ARL3: variants seen among roughly 807,000 people sequenced by gnomAD.
The protein encoded by ARL3 is ADP-ribosylation factor-like protein 3.
ARL3 carries 9 observed loss-of-function variants against 26.0 expected under a neutral mutation model. The observed-to-expected ratio is 0.35, with a 90% CI of 0.21 to 0.60. The LOEUF (loss-of-function observed/expected upper bound fraction) is 0.60, where lower values mean the gene tolerates loss of function less well. ARL3 is among the 20% of genes least tolerant of loss of function. The pLI is 0.78. For synonymous variants in ARL3, 71 were observed against 78.4 expected (o/e 0.91, Z 0.50); for missense variants, 158 against 215.7 (o/e 0.73, Z 1.67).
rs2064124490 is a variant in ARL3 at position 102,675,318 on chromosome 10, G to C, written c.*1576C>G. Reference sequence around the variant, plus strand: ...TCATGTCAGATCGCTTTTGAAGCTGGCTATGCCTCAGTCTCTGCTGCACTC... The same window carrying C: ...TCATGTCAGATCGCTTTTGAAGCTGCCTATGCCTCAGTCTCTGCTGCACTC... On this transcript the variant is annotated 3_prime_UTR_variant, in exon 6 of 6. Transcript: ENST00000260746. The C allele has an allele frequency of 1.3e-5, 2 of 152,320 alleles. No individual in the cohort carries two copies. The highest frequency in any genetic ancestry group is 2.9e-5 in the Non-Finnish European group (2 of 68,118). The allele number at this position is 152,320 out of a possible 1,614,324, so 9.4% of individuals were successfully genotyped here.
intron 1 of ARL3, among the ~76,000 whole-genome samples, chr10:102,713,607 G>C (rs1231755736): frequency 6.6e-6 from 1 of 152,212 alleles, no homozygotes; most frequent in Non-Finnish European, 1.5e-5. Flanking sequence ...CCAACAATCA[G>C]ATCCTGCAAA....
At chr10:102,695,247 G>A (rs2064240808) in intron 3 of ARL3, among the ~76,000 whole-genome samples, 1 of 152,198 alleles carries the variant, frequency 6.6e-6, no homozygotes, top group African/African-American at 2.4e-5. Flanking sequence ...ATAATACTGA[G>A]TTTTCCTATC....
At chr10:102,683,848 A>C (rs189830935) in intron 5 of ARL3, among the ~76,000 whole-genome samples, 13 of 152,108 alleles carry the variant, frequency 8.5e-5, no homozygotes, top group African/African-American at 2.9e-4. Flanking sequence ...AAATGACAGG[A>C]GATCCCTCTC....
chr10:102,711,585 A>G (rs940547584), intron 1 of ARL3, among the ~76,000 whole-genome samples: 19 of 151,842 alleles, frequency 1.3e-4, no homozygotes, highest in Admixed American at 4.6e-4. Flanking sequence ...CCCCGTCTCT[A>G]CTAAAAACAC....
intron 1 of ARL3, among the ~76,000 whole-genome samples, chr10:102,706,726 A>G (rs1476833513): frequency 1.3e-5 from 2 of 151,968 alleles, no homozygotes; most frequent in African/African-American, 2.4e-5. Context: ...GCTGGAGTGC[A>G]GTGGTGCAAT....
intron 2 of ARL3, among the ~76,000 whole-genome samples, chr10:102,699,869 A>AG (rs2064269715): frequency 6.6e-6 from 1 of 152,250 alleles, no homozygotes; most frequent in African/African-American, 2.4e-5. Flanking sequence ...ACAAAAAAAA[A>AG]GCTGAATCTG....
At chr10:102,695,544 A>C (rs542267933) in intron 3 of ARL3, among the ~76,000 whole-genome samples, 15 of 151,218 alleles carry the variant, frequency 9.9e-5, no homozygotes, top group Non-Finnish European at 2.1e-4. Context: ...TGTTTTTGAG[A>C]CTTGTTTTTT....
chr10:102,686,546 C>A (rs2064187936), intron 4 of ARL3, among the ~76,000 whole-genome samples: 1 of 150,840 alleles, frequency 6.6e-6, no homozygotes, highest in South Asian at 2.1e-4. Context: ...TCACTGCAAC[C>A]TTTCACCTCC....
chr10:102,685,673 TA>T, intron 5 of ARL3, 142 bp downstream of exon 5: 1 of 854,056 alleles, frequency 1.2e-6, no homozygotes, highest in Non-Finnish European at 1.7e-6. Flanking sequence ...GATTGGTTGC[TA>T]AGCAGAAAAG....
intron 3 of ARL3, among the ~76,000 whole-genome samples, chr10:102,696,419 C>A (rs1223027834): frequency 6.6e-6 from 1 of 151,412 alleles, no homozygotes; most frequent in Non-Finnish European, 1.5e-5. Context: ...CGCCCACCAC[C>A]ACGCCTGGCT....
intron 4 of ARL3, among the ~76,000 whole-genome samples, chr10:102,686,229 A>G (rs1380723652): frequency 2.0e-5 from 3 of 151,122 alleles, no homozygotes; most frequent in Admixed American, 1.3e-4. Flanking sequence ...GCACCACCAC[A>G]CTCAGCTAAT....
intron 3 of ARL3, among the ~76,000 whole-genome samples, chr10:102,694,695 G>A (rs1219237892): frequency 6.6e-6 from 1 of 151,980 alleles, no homozygotes; most frequent in Non-Finnish European, 1.5e-5. Context: ...TGATCAATTT[G>A]TCTACTCTTT....
chr10:102,696,826 A>G (rs1480755298), intron 3 of ARL3, among the ~76,000 whole-genome samples: 1 of 152,186 alleles, frequency 6.6e-6, no homozygotes, highest in Non-Finnish European at 1.5e-5. Context: ...AGACATGTTG[A>G]GGCTGAGGGA....
intron 4 of ARL3, among the ~76,000 whole-genome samples, chr10:102,689,109 G>A (rs1474032695): frequency 6.6e-6 from 1 of 151,920 alleles, no homozygotes; most frequent in Non-Finnish European, 1.5e-5. Flanking sequence ...GATCATCTGA[G>A]GTCAAGAGTT....
chr10:102,677,670 G>A (rs1361530042), intron 5 of ARL3, among the ~76,000 whole-genome samples: 1 of 152,210 alleles, frequency 6.6e-6, no homozygotes, highest in Admixed American at 6.5e-5. Context: ...TCCTACGGAT[G>A]CCAGGCCTGT....
In ARL3 at chr10:102,682,708, G is replaced by T. The variant is rs117898116; in HGVS notation, c.501+3108C>A. Among the ~76,000 whole-genome samples, 92 of 152,300 alleles carry T rather than the reference G, an allele frequency of 6.0e-4. No individual in the cohort carries two copies. In the East Asian group the frequency reaches 0.013, roughly 22 times the overall value. On this transcript the variant is annotated intron_variant, in intron 5 of 5. Coordinates refer to ENST00000260746, the MANE Select transcript of ARL3 (RefSeq NM_004311.4). ...CCTATTGTTAAGCAGTACAAGACAG[G>T]TCTCTTAAATATGTTTTGATTAAAC...
intron 3 of ARL3, 113 bp from the exon 4 acceptor site, chr10:102,690,056 A>T (rs1412334320): frequency 1.5e-5 from 9 of 580,820 alleles, no homozygotes; most frequent in Non-Finnish European, 2.8e-5. Flanking sequence ...AGCACAACAT[A>T]CAGAAATTGA....
In ARL3 at chr10:102,677,447, G is replaced by A. The variant is rs1030186171; in HGVS notation, c.502-506C>T. The stretch of plus-strand genomic sequence containing the variant: ...AGTGTTGCGAGGCACACACCAGGGC[G>A]ATGTGCATTTACTTCTCTTCCTGCA... On this transcript the variant is annotated intron_variant, in intron 5 of 5. Coordinates refer to ENST00000260746, the MANE Select transcript of ARL3 (RefSeq NM_004311.4). Among the ~76,000 whole-genome samples, 5 of 152,136 alleles carry A rather than the reference G, an allele frequency of 3.3e-5. No individual in the cohort carries two copies. The East Asian group carries it at 9.6e-4, about 29-fold the overall frequency.
chr10:102,680,845 C>T (rs1027655656), intron 5 of ARL3, among the ~76,000 whole-genome samples: 4 of 152,086 alleles, frequency 2.6e-5, no homozygotes, highest in African/African-American at 9.7e-5. Flanking sequence ...CCCCCAGGGT[C>T]AAGAAGCAGC....
Sources: gnomAD v4.1 joint callset for allele counts (sites outside exome capture counted in the v4.1 genomes callset) on GRCh38, gnomAD v4.1.1 for gene constraint, MANE v1.5 for transcripts, NCBI Gene and HGNC (gene_info 2026-07-23, HGNC 2026-07-21) for gene names.